Variants in TRPV4 observed in about 807,000 individuals in gnomAD.
The protein encoded by TRPV4 is OSM9-like transient receptor potential channel 4.
In TRPV4, 58 loss-of-function variants were observed where a neutral mutation model predicts 84.1. That is an observed-to-expected ratio of 0.69 (90% confidence interval 0.56 to 0.86). The LOEUF is 0.86. Ranked by LOEUF, TRPV4 falls within the 40% of genes least tolerant of loss-of-function variation. TRPV4 has a pLI of 0.00. For synonymous variants in TRPV4, 489 were observed against 500.9 expected (o/e 0.98, Z 0.32); for missense variants, 879 against 1,181.1 (o/e 0.74, Z 3.75).
chr12:109,829,829 CT>C (rs1892364517), intron 1 of TRPV4, among the ~76,000 whole-genome samples: 1 of 152,230 alleles, frequency 6.6e-6, no homozygotes, highest in African/African-American at 2.4e-5. Context: ...GCAGTTCAGG[CT>C]CTTTGTTTGT....
At position 109,784,319 on chromosome 12, in the gene TRPV4, T is replaced by C. The variant is rs961210083; in HGVS notation, c.2455A>G (p.Arg819Gly). 1 of 1,614,088 alleles carries C rather than the reference T, an allele frequency of 6.2e-7. No individual in the cohort carries two copies. The highest frequency in any genetic ancestry group is 8.5e-7 in the Non-Finnish European group (1 of 1,179,988). Residue 819 changes from arginine (R) to glycine (G), a missense_variant, in exon 15 of 16, where the codon AGG becomes GGG. Physicochemically the swap from Arg to Gly is moderately radical, Grantham distance 125. This residue lies in a region of TRPV4 where 242 missense variants were observed against 355.3 expected (regional missense o/e 0.68). Transcript: ENST00000261740. ...GFSHTVGRLRRDRWSSVVPRV... is the reference protein window; with the variant it reads ...GFSHTVGRLRGDRWSSVVPRV... Reference sequence around the variant, plus strand: ...CCGCACCCGCCCCTCCACTCACCCCTGCGGAGGCGGCCCACGGTATGCGAG... The same window carrying C: ...CCGCACCCGCCCCTCCACTCACCCCCGCGGAGGCGGCCCACGGTATGCGAG...
chr12:109,805,884 C>T (rs966369782), intron 3 of TRPV4, among the ~76,000 whole-genome samples: 3 of 152,202 alleles, frequency 2.0e-5, no homozygotes, highest in African/African-American at 7.2e-5. Context: ...GTCCTGAATT[C>T]AGAAGAAGCC....
chr12:109,824,632 TG>T (rs1892200188), intron 1 of TRPV4, among the ~76,000 whole-genome samples: 1 of 152,044 alleles, frequency 6.6e-6, no homozygotes, highest in South Asian at 2.1e-4. Flanking sequence ...AGCATGCACC[TG>T]TAATCCCAGC....
chr12:109,824,531 G>A (rs541834538), intron 1 of TRPV4, among the ~76,000 whole-genome samples: 1 of 152,004 alleles, frequency 6.6e-6, no homozygotes, highest in East Asian at 2.0e-4. Flanking sequence ...CGAGGTGGGC[G>A]GATCACTTGA....
intron 1 of TRPV4, among the ~76,000 whole-genome samples, chr12:109,824,840 A>G (rs1191912180): frequency 6.6e-6 from 1 of 152,160 alleles, no homozygotes; most frequent in Non-Finnish European, 1.5e-5. Context: ...AACTCCAGAG[A>G]GGATTCTATA....
intron 2 of TRPV4, among the ~76,000 whole-genome samples, chr12:109,813,162 A>C (rs1174564556): frequency 6.6e-6 from 1 of 152,234 alleles, no homozygotes; most frequent in Non-Finnish European, 1.5e-5. Context: ...CTATAATCCC[A>C]GCACTTTGGG....
In TRPV4 at chr12:109,814,811, C is replaced by T. The variant is rs1451394602; in HGVS notation, c.-15G>A. Reference sequence around the variant, plus strand: ...GAATCCGCCATGCCTGCCCCAGGCCCGTCTGCACTGCTCAGCCTGCAAGGG... The same window carrying T: ...GAATCCGCCATGCCTGCCCCAGGCCTGTCTGCACTGCTCAGCCTGCAAGGG... On this transcript the variant is annotated 5_prime_UTR_variant, in exon 2 of 16. Transcript: ENST00000261740. This position sits in a 1 kb window ranked among gnomAD's most constrained non-coding sequence, Gnocchi z 5.4. 1.1e-5 allele frequency: 17 copies of T among 1,537,102 alleles called. No individual in the cohort carries two copies. The highest frequency in any genetic ancestry group is 9.8e-5 in the Admixed American group (5 of 50,992).
intron 1 of TRPV4, among the ~76,000 whole-genome samples, chr12:109,833,091 C>A (rs556976840): frequency 6.6e-6 from 1 of 152,190 alleles, no homozygotes. Flanking sequence ...GCCCTCCCCC[C>A]AGACCTGCTA....
At chr12:109,822,407 G>A (rs566028535) in intron 1 of TRPV4, among the ~76,000 whole-genome samples, 2 of 152,172 alleles carry the variant, frequency 1.3e-5, no homozygotes, top group Non-Finnish European at 2.9e-5. Context: ...TCTTGCCGGG[G>A]ACATGTGGAT....
At chr12:109,828,152 G>A (rs897761677) in intron 1 of TRPV4, among the ~76,000 whole-genome samples, 3 of 152,170 alleles carry the variant, frequency 2.0e-5, no homozygotes, top group African/African-American at 4.8e-5. Flanking sequence ...TCAATGGCCC[G>A]CCTGTCTGTC....
At chr12:109,785,488 G>A (rs187954516) in intron 14 of TRPV4, among the ~76,000 whole-genome samples, 378 of 150,956 alleles carry the variant, frequency 2.5e-3, no homozygotes, top group Non-Finnish European at 4.3e-3. Context: ...GTGCAATCTC[G>A]GCTCACTGCA....
At chr12:109,794,538 T>A (rs924710744) in intron 7 of TRPV4, 51 bp from the exon 8 acceptor site, 1 of 1,604,132 alleles carries the variant, frequency 6.2e-7, no homozygotes, top group Non-Finnish European at 8.5e-7. Context: ...GGGTGGGGGG[T>A]CCAGGCAGGC....
chr12:109,801,560 T>G (rs1235648155), intron 4 of TRPV4, among the ~76,000 whole-genome samples: 4 of 152,224 alleles, frequency 2.6e-5, no homozygotes, highest in Non-Finnish European at 4.4e-5. Flanking sequence ...TGCGGAACTG[T>G]GAGTCAATTA....
Position 109,820,394 on chromosome 12 carries a change from G to A in TRPV4, c.-31-5567C>T, listed in dbSNP as rs990920401. Among the ~76,000 whole-genome samples, 7 of 152,056 alleles carry A rather than the reference G, an allele frequency of 4.6e-5. No homozygotes were observed. The East Asian group carries it at 5.8e-4, about 13-fold the overall frequency. On this transcript the variant is annotated intron_variant, in intron 1 of 15. Coordinates refer to ENST00000261740, the MANE Select transcript of TRPV4 (RefSeq NM_021625.5). ...TTCTGCTCTCATGGCCCCCTGAGCC[G>A]GTGGGGCACATTTTGACGTCAGGCA...
rs1167497327 is a variant in TRPV4, at chr12:109,814,692, G to A, written c.105C>T (p.Ser35=). Residue 35 remains serine (S), a synonymous_variant, in exon 2 of 16, where the codon TCC becomes TCT. Transcript: ENST00000261740. The surrounding 1 kb of genome is among the most constrained non-coding windows in gnomAD (Gnocchi z 5.4). ...TPGGEAFPLS[S]LANLFEGEDG... The stretch of plus-strand genomic sequence containing the variant: ...CCTCCCCCTCAAACAGATTGGCCAG[G>A]GAGGAGAGAGGAAAAGCCTCCCCAC... The A allele has an allele frequency of 1.2e-6, 2 of 1,610,610 alleles. No homozygotes were observed. The highest frequency in any genetic ancestry group is 1.7e-6 in the Non-Finnish European group (2 of 1,178,894).
At position 109,798,651 on chromosome 12, in the gene TRPV4, G is replaced by A. The variant is rs1479394096; in HGVS notation, c.1115C>T (p.Ser372Leu). The change falls in exon 6 of 16, where the codon TCG becomes TTG. Residue 372 changes from serine (S) to leucine (L), a missense_variant. Coordinates refer to ENST00000261740, the MANE Select transcript of TRPV4 (RefSeq NM_021625.5). This position sits in a 1 kb window ranked among gnomAD's most constrained non-coding sequence, Gnocchi z 5.0. Reference sequence around the variant, plus strand: ...CGTCTTGGCAGCCATCATGAGGGGCGAGAGGCCGTCGTTGTTGAGCACGGC... The same window carrying A: ...CGTCTTGGCAGCCATCATGAGGGGCAAGAGGCCGTCGTTGTTGAGCACGGC... ...LEAVLNNDGL[S>L]PLMMAAKTGK... The A allele has an allele frequency of 1.1e-5, 17 of 1,612,994 alleles. No individual in the cohort carries two copies. The highest frequency in any genetic ancestry group is 1.7e-5 in the Admixed American group (1 of 60,020).
intron 1 of TRPV4, among the ~76,000 whole-genome samples, chr12:109,819,771 A>C (rs1440613524): frequency 6.6e-6 from 1 of 152,212 alleles, no homozygotes; most frequent in Non-Finnish European, 1.5e-5. Flanking sequence ...CATGTTGGCC[A>C]GGCTGGTCTT....
At position 109,817,111 on chromosome 12, in the gene TRPV4, G is replaced by T. The variant is rs1019330596; in HGVS notation, c.-31-2284C>A. 2.0e-5 allele frequency among the ~76,000 whole-genome samples: 3 copies of T among 152,316 alleles called. No homozygotes were observed. The East Asian group carries it at 5.8e-4, about 29-fold the overall frequency. On this transcript the variant is annotated intron_variant, in intron 1 of 15. Transcript: ENST00000261740. ...GAAGTCCTTTCGACTGGCCAGACAG[G>T]AGAGGGGGATCTGGATCCCTAGTCC...
chr12:109,797,547 G>A (rs1890482372), intron 6 of TRPV4, among the ~76,000 whole-genome samples: 1 of 152,022 alleles, frequency 6.6e-6, no homozygotes. Context: ...TCAACCTCCT[G>A]GGCTCAAGTG....
Sources: gnomAD v4.1 joint callset for allele counts (sites outside exome capture counted in the v4.1 genomes callset) on GRCh38, gnomAD v4.1.1 for gene constraint, gnomAD v4.1.1 regional missense constraint, Gnocchi (gnomAD v3.1) non-coding constraint, MANE v1.5 for transcripts, NCBI Gene and HGNC (gene_info 2026-07-23, HGNC 2026-07-21) for gene names.